TSHZ3: variants seen among roughly 807,000 people sequenced by gnomAD.
TSHZ3 encodes teashirt zinc finger homeobox 3, also known as teashirt homolog 3.
A neutral mutation model predicts 64.5 loss-of-function variants in TSHZ3; 10 were observed. The observed-to-expected ratio is 0.16, with a 90% CI of 0.10 to 0.26. TSHZ3 has a LOEUF of 0.26. Ranked by LOEUF, TSHZ3 falls within the 10% of genes least tolerant of loss-of-function variation. The pLI is 1.00. For missense variants in TSHZ3, 1,242 were observed against 1,421.7 expected (o/e 0.87, Z 2.03); for synonymous variants, 608 against 593.1 (o/e 1.03, Z -0.36).
In TSHZ3 at chr19:31,279,298, G is replaced by T. The variant is rs762767379; in HGVS notation, c.495C>A (p.Phe165Leu). ...TAGCCATGGCGCTCTGGTGCCAGTC[G>T]AAGCTCCCGCTGCCACAGCTGCTGC... ...SSSSSCGSGSFDWHQSAMAKT... is the reference protein window; with the variant it reads ...SSSSSCGSGSLDWHQSAMAKT... Residue 165 changes from phenylalanine (F) to leucine (L), a missense_variant, in exon 2 of 2, where the codon TTC (phenylalanine) becomes TTA (leucine). Phe to Leu is a conservative substitution (Grantham distance 22). This residue lies in a region of TSHZ3 where 555 missense variants were observed against 704.0 expected (regional missense o/e 0.79). Transcript: ENST00000240587. This position sits in a 1 kb window ranked among gnomAD's most constrained non-coding sequence, Gnocchi z 6.4. 86 of 1,613,632 alleles carry T rather than the reference G, an allele frequency of 5.3e-5. No homozygotes were observed. Among genetic ancestry groups the T allele is most frequent in the Non-Finnish European group, 7.1e-5 (84 of 1,179,836 alleles).
At chr19:31,273,377 G>A (rs1006903646), downstream of TSHZ3, among the ~76,000 whole-genome samples, 2 of 152,184 alleles carry the variant, frequency 1.3e-5, no homozygotes, top group Non-Finnish European at 2.9e-5. Context: ...ACCTTGGCTT[G>A]TAAATCCTCA....
At chr19:31,183,751 C>T (rs1036761597) in intron 5 of TSHZ3, among the ~76,000 whole-genome samples, 3 of 152,102 alleles carry the variant, frequency 2.0e-5, no homozygotes, top group Non-Finnish European at 4.4e-5. Context: ...TCTTACATTT[C>T]GATGAGCAAG....
chr19:31,266,401 C>T (rs771677918), intron 1 of TSHZ3, among the ~76,000 whole-genome samples: 9 of 152,102 alleles, frequency 5.9e-5, no homozygotes, highest in Non-Finnish European at 1.0e-4. Flanking sequence ...GAGTTCAAGG[C>T]TGCAGTAAGC....
rs191955151 is a variant in TSHZ3, at chr19:31,237,041, T to G, written n.550+5228A>C. ...GCACATGCCTCTAATCCCAGCTACT[T>G]GGGAGGCTGAGGCAGGAGAATCGCT... On this transcript the variant is annotated intron_variant and non_coding_transcript_variant, in intron 3 of 6. Coordinates refer to the TSHZ3 transcript ENST00000651361. Among the ~76,000 whole-genome samples the G allele has an allele frequency of 5.2e-3, 661 of 127,532 alleles. 1 individual carries two copies. Among genetic ancestry groups the G allele is most frequent in the Middle Eastern group, 0.023 (6 of 262 alleles). 83.7% of individuals were successfully genotyped at this position (127,532 alleles called of 152,430 possible). A position where few individuals can be genotyped will look rare whatever the true frequency, so the allele number is the denominator to read the frequency against.
chr19:31,297,286 C>T (rs1458430843), intron 1 of TSHZ3, among the ~76,000 whole-genome samples: 5 of 152,174 alleles, frequency 3.3e-5, no homozygotes, highest in African/African-American at 4.8e-5. Flanking sequence ...GTGGACTACT[C>T]GGGGTAGGCG....
At chr19:31,173,074 G>A (rs1974558204) in intron 5 of TSHZ3, among the ~76,000 whole-genome samples, 1 of 152,204 alleles carries the variant, frequency 6.6e-6, no homozygotes. Flanking sequence ...CTGAGAAGTA[G>A]TATTAATTAT....
intron 1 of TSHZ3, among the ~76,000 whole-genome samples, chr19:31,244,798 C>T (rs1975739177): frequency 6.6e-6 from 1 of 152,092 alleles, no homozygotes; most frequent in Non-Finnish European, 1.5e-5. Flanking sequence ...CACATGCCAC[C>T]ACACTTGGCT....
chr19:31,277,375 C>A lies in TSHZ3; in HGVS notation c.2418G>T (p.Val806=). ...GGGCTGTGGACGTGGGTGACAGAAGCACTGAACCCAAGGAGCAGCCTTTGT... is the reference window on the plus strand; with the variant it reads ...GGGCTGTGGACGTGGGTGACAGAAGAACTGAACCCAAGGAGCAGCCTTTGT... ...KSDKGCSLGS[V]LLSPTSTAPA... is the part of the protein sequence containing the mutation. The change falls in exon 2 of 2, where the codon GTG becomes GTT. Residue 806 remains valine, a synonymous_variant. Transcript: ENST00000240587. The surrounding 1 kb of genome is among the most constrained non-coding windows in gnomAD (Gnocchi z 4.5). 1 of 1,614,160 alleles carries A rather than the reference C, an allele frequency of 6.2e-7. No individual in the cohort carries two copies. Among genetic ancestry groups the A allele is most frequent in the South Asian group, 1.1e-5 (1 of 91,082 alleles).
At chr19:31,312,302 C>T (rs1292235114) in intron 1 of TSHZ3, among the ~76,000 whole-genome samples, 1 of 152,202 alleles carries the variant, frequency 6.6e-6, no homozygotes, top group Admixed American at 6.5e-5. Context: ...TAGAGCTATG[C>T]TGTCCATGGG....
chr19:31,285,555 GGGAGATTGCCTGAGCTCA>G (rs1439681872), intron 1 of TSHZ3, among the ~76,000 whole-genome samples: 1 of 151,218 alleles, frequency 6.6e-6, no homozygotes, highest in South Asian at 2.1e-4. Flanking sequence ...GGCCGAGGCT[GGGAGATTGCCTGAGCTCA>G]GGAGATTGAG....
At chr19:31,158,587 G>A (rs1210630183) in intron 5 of TSHZ3, among the ~76,000 whole-genome samples, 1 of 152,166 alleles carries the variant, frequency 6.6e-6, no homozygotes, top group Non-Finnish European at 1.5e-5. Context: ...CAGAGTTGGG[G>A]ATGGTTTCAG....
At chr19:31,324,340 G>A (rs1916870192) in intron 1 of TSHZ3, among the ~76,000 whole-genome samples, 2 of 152,332 alleles carry the variant, frequency 1.3e-5, no homozygotes, top group South Asian at 4.1e-4. Context: ...GGAACAAGAT[G>A]AATACTGCCA....
At chr19:31,260,328 C>T (rs570762324) in intron 1 of TSHZ3, among the ~76,000 whole-genome samples, 142 of 152,304 alleles carry the variant, frequency 9.3e-4, no homozygotes, top group Non-Finnish European at 1.7e-3. Flanking sequence ...TGGTGCCCTG[C>T]CTAACTAAGT....
Position 31,277,315 on chromosome 19 carries a change from C to T in TSHZ3, c.2478G>A (p.Lys826=). 6.2e-7 allele frequency: 1 copy of T among 1,613,306 alleles called. No homozygotes were observed. Among genetic ancestry groups the T allele is most frequent in the South Asian group, 1.1e-5 (1 of 91,062 alleles). Residue 826 remains lysine, a synonymous_variant, in exon 2 of 2, where the codon AAG becomes AAA. Coordinates refer to ENST00000240587, the MANE Select transcript of TSHZ3 (RefSeq NM_020856.4). The surrounding 1 kb of genome is among the most constrained non-coding windows in gnomAD (Gnocchi z 4.5). ...ACATGAATGATACGACGGCAGATGT[C>T]TTTGCCGTTGTCACCGTGGATGAGG... The part of the protein sequence containing the change: ...ATSSSTVTTA[K]TSAVVSFMSN...
intron 5 of TSHZ3, among the ~76,000 whole-genome samples, chr19:31,193,087 G>T (rs1403840267): frequency 6.6e-6 from 1 of 152,166 alleles, no homozygotes; most frequent in Non-Finnish European, 1.5e-5. Context: ...GCCTCATGTT[G>T]CTGATGAAAG....
chr19:31,323,588 C>G (rs145937382), intron 1 of TSHZ3, among the ~76,000 whole-genome samples: 1 of 152,232 alleles, frequency 6.6e-6, no homozygotes, highest in African/African-American at 2.4e-5. Flanking sequence ...AGTGGGAGCA[C>G]TGGATTTACC....
upstream of TSHZ3, among the ~76,000 whole-genome samples, chr19:31,350,720 G>C (rs1436562434): frequency 6.6e-6 from 1 of 150,884 alleles, no homozygotes; most frequent in Admixed American, 6.6e-5. Flanking sequence ...GCTCACTTAC[G>C]GGCGGCGGTG....
At chr19:31,200,000 A>T (rs994690997) in intron 5 of TSHZ3, among the ~76,000 whole-genome samples, 3 of 151,732 alleles carry the variant, frequency 2.0e-5, no homozygotes, top group Non-Finnish European at 4.4e-5. Flanking sequence ...GGAAATGCAA[A>T]TTGGAGCAGC....
intron 4 of TSHZ3, among the ~76,000 whole-genome samples, chr19:31,215,963 TTTA>T (rs1419292523): frequency 6.6e-6 from 1 of 151,068 alleles, no homozygotes. Flanking sequence ...TTAAATTAAA[TTTA>T]TTATTAAATA....
Sources: gnomAD v4.1 joint callset for allele counts (sites outside exome capture counted in the v4.1 genomes callset) on GRCh38, gnomAD v4.1.1 for gene constraint, gnomAD v4.1.1 regional missense constraint, Gnocchi (gnomAD v3.1) non-coding constraint, MANE v1.5 for transcripts, NCBI Gene and HGNC (gene_info 2026-07-23, HGNC 2026-07-21) for gene names.